The following ZFPM1 variants were observed in gnomAD, a reference collection of about 807,000 sequenced individuals.
The protein encoded by ZFPM1 is zinc finger protein ZFPM1.
Under a neutral mutation model 46.3 loss-of-function variants are expected in ZFPM1, and 28 were observed. That is an observed-to-expected ratio of 0.60 (90% CI 0.45 to 0.83). The LOEUF is 0.83. ZFPM1 is among the 40% of genes least tolerant of loss of function. The pLI is 0.00. For missense variants in ZFPM1, 1,878 were observed against 1,432.4 expected, an observed-to-expected ratio of 1.31 and a Z score of -5.02; for synonymous variants, 957 against 675.9, an observed-to-expected ratio of 1.42 and a Z score of -6.45.
chr16:88,486,090 A>G (rs1010953580), intron 2 of ZFPM1, 47 bp downstream of exon 2: 3 of 1,556,248 alleles, frequency 1.9e-6, no homozygotes, highest in East Asian at 2.4e-5. Flanking sequence ...CGGGGCCTCC[A>G]TTGCTTACCC....
Position 88,533,776 on chromosome 16 carries a change from C to G in ZFPM1, c.1818C>G (p.Pro606=). ...TCTACTGTTCAGGCCGCCGTGCGCC[C>G]GAGGACGCGCCTGCCGCGCGCAGGC... ...KRLYCSGRRA[P]EDAPAARRPK... Residue 606 remains proline, a synonymous_variant, in exon 10 of 10, where the codon CCC becomes CCG. Coordinates refer to ENST00000319555, the MANE Select transcript of ZFPM1 (RefSeq NM_153813.3). The G allele has an allele frequency of 1.4e-6, 2 of 1,379,526 alleles. No individual in the cohort carries two copies. The highest frequency in any genetic ancestry group is 1.9e-6 in the Non-Finnish European group (2 of 1,053,848). The allele number at this position is 1,379,526 out of a possible 1,614,324, so 85.5% of individuals were successfully genotyped here.
chr16:88,472,742 G>A (rs999219351), intron 1 of ZFPM1, among the ~76,000 whole-genome samples: 6 of 152,168 alleles, frequency 3.9e-5, no homozygotes, highest in African/African-American at 1.4e-4. Flanking sequence ...AAGTGCATTC[G>A]GTGCTGGGAA....
At chr16:88,494,792 G>A (rs181169312) in intron 3 of ZFPM1, among the ~76,000 whole-genome samples, 207 of 152,240 alleles carry the variant, frequency 1.4e-3, no homozygotes, top group African/African-American at 4.9e-3. Flanking sequence ...GAAGGGCTGG[G>A]GTCTGAGCGT....
chr16:88,525,300 G>A (rs1056197215), intron 4 of ZFPM1, among the ~76,000 whole-genome samples: 3 of 152,206 alleles, frequency 2.0e-5, no homozygotes, highest in Non-Finnish European at 2.9e-5. Context: ...GGCACCTAGT[G>A]GGGAGGTACC....
chr16:88,457,647 T>G (rs900016685), intron 1 of ZFPM1, among the ~76,000 whole-genome samples: 3 of 152,076 alleles, frequency 2.0e-5, no homozygotes, highest in African/African-American at 7.2e-5. Context: ...CTTTTTTTTT[T>G]CCTTAGTTAA....
In ZFPM1 at chr16:88,497,483, G is replaced by A. The variant is rs1162146043; in HGVS notation, c.268+8330G>A. 6.7e-6 allele frequency among the ~76,000 whole-genome samples: 1 copy of A among 148,636 alleles called. No homozygotes were observed. Among genetic ancestry groups the A allele is most frequent in the Admixed American group, 6.7e-5 (1 of 14,978 alleles). On this transcript the variant is annotated intron_variant, in intron 3 of 9. Transcript: ENST00000319555. The surrounding 1 kb of genome is among the most constrained non-coding windows in gnomAD (Gnocchi z 5.4). Reference sequence around the variant, plus strand: ...GGGTCAGGGTGGGGCTCAGGGCCCGGGCGGGGATGGGGTTCAGAGGGGTCA... The same window carrying A: ...GGGTCAGGGTGGGGCTCAGGGCCCGAGCGGGGATGGGGTTCAGAGGGGTCA...
intron 3 of ZFPM1, among the ~76,000 whole-genome samples, chr16:88,493,470 TC>T (rs1487256235): frequency 1.1e-4 from 16 of 140,298 alleles, no homozygotes; most frequent in African/African-American, 4.4e-4. Flanking sequence ...CGGGGAGCTG[TC>T]CCGGGGTGGG....
intron 1 of ZFPM1, among the ~76,000 whole-genome samples, chr16:88,463,119 C>A (rs1376237182): frequency 1.3e-5 from 2 of 152,272 alleles, no homozygotes; most frequent in Non-Finnish European, 2.9e-5. Flanking sequence ...CTCCCACTTC[C>A]CAAGTCAGAC....
intron 3 of ZFPM1, among the ~76,000 whole-genome samples, chr16:88,489,960 G>C (rs1487586283): frequency 6.6e-6 from 1 of 152,188 alleles, no homozygotes; most frequent in Non-Finnish European, 1.5e-5. Flanking sequence ...AGCAGAGGCG[G>C]GGTGGGGGTC....
chr16:88,495,499 A>C (rs1434925449), intron 3 of ZFPM1, among the ~76,000 whole-genome samples: 1 of 152,158 alleles, frequency 6.6e-6, no homozygotes, highest in Non-Finnish European at 1.5e-5. Context: ...AGTGCAGAGG[A>C]GGTGCCTGGT....
upstream of ZFPM1, among the ~76,000 whole-genome samples, chr16:88,451,796 C>A (rs1907291547): frequency 6.6e-6 from 1 of 152,168 alleles, no homozygotes; most frequent in Non-Finnish European, 1.5e-5. Context: ...GCTGGAGGAC[C>A]CGTATGCCCC....
At chr16:88,527,272 CCA>C (rs1912414587) in intron 5 of ZFPM1, among the ~76,000 whole-genome samples, 1 of 152,244 alleles carries the variant, frequency 6.6e-6, no homozygotes, top group South Asian at 2.1e-4. Context: ...GACCCCGACA[CCA>C]GACTGGCTGG....
chr16:88,504,332 G>C lies in ZFPM1; in HGVS notation c.269-10055G>C, dbSNP rs2009162. 5.8e-3 allele frequency among the ~76,000 whole-genome samples: 886 copies of C among 152,236 alleles called. 14 individuals are homozygous for C. The highest frequency in any genetic ancestry group is 0.02 in the African/African-American group (842 of 41,538). ...CAATAGGACAAGGCAAGGCTGGGGA[G>C]AGCCAGGGACCCCCACCCCAGTTCT... is the stretch of plus-strand genomic sequence containing the variant. On this transcript the variant is annotated intron_variant, in intron 3 of 9. Coordinates refer to ENST00000319555, the MANE Select transcript of ZFPM1 (RefSeq NM_153813.3).
intron 3 of ZFPM1, among the ~76,000 whole-genome samples, chr16:88,514,078 C>T (rs1430489482): frequency 6.6e-6 from 1 of 152,218 alleles, no homozygotes; most frequent in Non-Finnish European, 1.5e-5. Flanking sequence ...TTGCACTGTG[C>T]GGCCGGGCTC....
In ZFPM1 at chr16:88,534,880, G is replaced by C; in HGVS notation, c.2922G>C (p.Arg974=). 1.3e-6 allele frequency: 2 copies of C among 1,568,350 alleles called. No individual in the cohort carries two copies. The highest frequency in any genetic ancestry group is 1.7e-6 in the Non-Finnish European group (2 of 1,162,312). ...TPAPLPNGNH[R]YCRLCNIKFS... is the part of the protein sequence containing the mutation. ...CGCCGCTGCCCAACGGCAACCACCG[G>C]TACTGCCGTCTTTGCAACATCAAGT... Residue 974 remains arginine, a synonymous_variant, in exon 10 of 10, where the codon CGG becomes CGC. Coordinates refer to ENST00000319555, the MANE Select transcript of ZFPM1 (RefSeq NM_153813.3).
intron 3 of ZFPM1, among the ~76,000 whole-genome samples, chr16:88,509,277 G>T (rs1199458621): frequency 1.3e-5 from 2 of 152,332 alleles, no homozygotes; most frequent in Admixed American, 1.3e-4. Flanking sequence ...AGACAGGGCC[G>T]CTCCCAACAA....
In ZFPM1 at chr16:88,504,060, C is replaced by G. The variant is rs1193082713; in HGVS notation, c.269-10327C>G. On this transcript the variant is annotated intron_variant, in intron 3 of 9. Coordinates refer to ENST00000319555, the MANE Select transcript of ZFPM1 (RefSeq NM_153813.3). Reference sequence around the variant, plus strand: ...GCCTGCCAGGCTGGGTAGATGGTCTCGCCCAGGGCTGAGGCAGTACCCTGG... The same window carrying G: ...GCCTGCCAGGCTGGGTAGATGGTCTGGCCCAGGGCTGAGGCAGTACCCTGG... Among the ~76,000 whole-genome samples the G allele has an allele frequency of 5.3e-5, 8 of 152,036 alleles. No individual in the cohort carries two copies. The South Asian group carries it at 1.7e-3, about 32-fold the overall frequency.
intron 1 of ZFPM1, among the ~76,000 whole-genome samples, chr16:88,475,642 C>G (rs73257657): frequency 2.0e-5 from 3 of 152,122 alleles, no homozygotes; most frequent in Non-Finnish European, 4.4e-5. Context: ...GGGCAGGGCT[C>G]GGGAAAAGGG....
At position 88,497,895 on chromosome 16, in the gene ZFPM1, C is replaced by A. The variant is rs563740941; in HGVS notation, c.268+8742C>A. Among the ~76,000 whole-genome samples, 206 of 152,294 alleles carry A rather than the reference C, an allele frequency of 1.4e-3. No individual in the cohort carries two copies. The highest frequency in any genetic ancestry group is 4.8e-3 in the African/African-American group (201 of 41,570). ...GCGTCTACGCAAACCTCAAGGCCTG[C>A]TATCGGGTGGAGGCTGAGGCGGGGG... On this transcript the variant is annotated intron_variant, in intron 3 of 9. Coordinates refer to ENST00000319555, the MANE Select transcript of ZFPM1 (RefSeq NM_153813.3). The surrounding 1 kb of genome is among the most constrained non-coding windows in gnomAD (Gnocchi z 5.4).
Sources: allele counts gnomAD v4.1 joint callset (sites outside exome capture counted in the v4.1 genomes callset), GRCh38; gene constraint gnomAD v4.1.1; non-coding constraint Gnocchi (gnomAD v3.1); transcripts MANE v1.5; gene names NCBI Gene and HGNC (gene_info 2026-07-23, HGNC 2026-07-21).